Variants in C11orf87 observed in about 807,000 individuals in gnomAD.
C11orf87 encodes the protein uncharacterized protein C11orf87.
C11orf87 carries 3 observed loss-of-function variants against 9.2 expected under a neutral mutation model. The observed-to-expected ratio is 0.33, with a 90% CI of 0.15 to 0.84. C11orf87 has a LOEUF of 0.84. Among genes scored for constraint, C11orf87 ranks in the 40% least tolerant of loss-of-function variants. The pLI, the probability that C11orf87 is intolerant of heterozygous loss-of-function variation, is 0.55. For synonymous variants in C11orf87, 124 were observed against 124.6 expected, an observed-to-expected ratio of 1.00 and a Z score of 0.03; for missense variants, 256 against 270.7, an observed-to-expected ratio of 0.95 and a Z score of 0.38.
rs1860514514 is a variant in C11orf87 at position 109,423,005 on chromosome 11, T to C, written c.-259-370T>C. Among the ~76,000 whole-genome samples the C allele has an allele frequency of 6.6e-6, 1 of 151,814 alleles. No homozygotes were observed. Among genetic ancestry groups the C allele is most frequent in the Non-Finnish European group, 1.5e-5 (1 of 67,936 alleles). On this transcript the variant is annotated intron_variant, in intron 1 of 1. Coordinates refer to ENST00000327419, the MANE Select transcript of C11orf87 (RefSeq NM_207645.4). The surrounding 1 kb of genome is among the most constrained non-coding windows in gnomAD (Gnocchi z 5.3). ...GAAGGGTAGGATCCAGGCGAAGACA[T>C]CAACCGAGAGGGCGCAGAAAAGAGG...
chr11:109,428,372 T>C lies in C11orf87; in HGVS notation c.*4145T>C, dbSNP rs1365562264. On this transcript the variant is annotated 3_prime_UTR_variant, in exon 2 of 2. Transcript: ENST00000327419. The stretch of plus-strand genomic sequence containing the variant: ...AGAAACTTCTTTGACATCTGACTTT[T>C]CCACCATTTCTATCTGTATCAATTG... 6.6e-6 allele frequency: 1 copy of C among 152,312 alleles called. No individual in the cohort carries two copies. The highest frequency in any genetic ancestry group is 1.9e-4 in the East Asian group (1 of 5,192). The allele number at this position is 152,312 out of a possible 1,614,324, so 9.4% of individuals were successfully genotyped here. A position where few individuals can be genotyped will look rare whatever the true frequency, so the allele number is the denominator to read the frequency against.
Position 109,425,626 on chromosome 11 carries a change from GA to G in C11orf87, c.*1405del, listed in dbSNP as rs759728795. 6.1e-6 allele frequency: 1 copy of G among 162,780 alleles called. No individual in the cohort carries two copies. The highest frequency in any genetic ancestry group is 1.5e-5 in the Non-Finnish European group (1 of 68,046). 10.1% of individuals were successfully genotyped at this position (162,780 alleles called of 1,614,324 possible). ...TTTATTTTTTCTTTTGCAAATAATA[GA>G]AAAAACACAACCACAGAAACAAACA... On this transcript the variant is annotated 3_prime_UTR_variant, in exon 2 of 2. Coordinates refer to ENST00000327419, the MANE Select transcript of C11orf87 (RefSeq NM_207645.4).
In C11orf87 at chr11:109,423,442, C is replaced by A; in HGVS notation, c.-192C>A. ...CGAGGTGGTATCGGCGAGGATCTCT[C>A]GGGCGCCGCTCACTCCTTGGTCGCC... On this transcript the variant is annotated 5_prime_UTR_variant, in exon 2 of 2. Transcript: ENST00000327419. The surrounding 1 kb of genome is among the most constrained non-coding windows in gnomAD (Gnocchi z 5.3). 1 of 597,716 alleles carries A rather than the reference C, an allele frequency of 1.7e-6. No homozygotes were observed. The highest frequency in any genetic ancestry group is 2.9e-6 in the Non-Finnish European group (1 of 341,010). The allele number at this position is 597,716 out of a possible 1,614,324, so 37.0% of individuals were successfully genotyped here.
intron 1 of C11orf87, among the ~76,000 whole-genome samples, chr11:109,422,819 C>A (rs1860510816): frequency 7.0e-6 from 1 of 142,592 alleles, no homozygotes; most frequent in African/African-American, 2.7e-5. Context: ...CAGCCGCGGT[C>A]GCGGACAGAG....
In C11orf87 at chr11:109,425,626, G is replaced by GA. The variant is rs759728795; in HGVS notation, c.*1405dup. On this transcript the variant is annotated 3_prime_UTR_variant, in exon 2 of 2. Coordinates refer to ENST00000327419, the MANE Select transcript of C11orf87 (RefSeq NM_207645.4). ...TTTATTTTTTCTTTTGCAAATAATA[G>GA]AAAAAACACAACCACAGAAACAAAC... The GA allele has an allele frequency of 1.2e-5, 2 of 162,780 alleles. No homozygotes were observed. Among genetic ancestry groups the GA allele is most frequent in the Non-Finnish European group, 2.9e-5 (2 of 68,046 alleles). The allele number at this position is 162,780 out of a possible 1,614,324, so 10.1% of individuals were successfully genotyped here. A position where few individuals can be genotyped will look rare whatever the true frequency, so the allele number is the denominator to read the frequency against.
Position 109,425,956 on chromosome 11 carries a change from T to C in C11orf87, c.*1729T>C, listed in dbSNP as rs982194198. On this transcript the variant is annotated 3_prime_UTR_variant, in exon 2 of 2. Coordinates refer to ENST00000327419, the MANE Select transcript of C11orf87 (RefSeq NM_207645.4). ...CTCTCTTTCTCAGTCTGTCCTAACT[T>C]CACTGAACATACAAAAATACTGAGA... 9 of 152,206 alleles carry C rather than the reference T, an allele frequency of 5.9e-5. No individual in the cohort carries two copies. Among genetic ancestry groups the C allele is most frequent in the Non-Finnish European group, 1.3e-4 (9 of 68,030 alleles). 9.4% of individuals were successfully genotyped at this position (152,206 alleles called of 1,614,324 possible). A position where few individuals can be genotyped will look rare whatever the true frequency, so the allele number is the denominator to read the frequency against.
At position 109,423,713 on chromosome 11, in the gene C11orf87, C is replaced by A. The variant is rs1565250213; in HGVS notation, c.80C>A (p.Ala27Asp). Residue 27 changes from alanine (A) to aspartate (D), a missense_variant, in exon 2 of 2, where the codon GCC (alanine) becomes GAC (aspartate). Physicochemically the swap from Ala to Asp is moderately radical, Grantham distance 126. Transcript: ENST00000327419. This position sits in a 1 kb window ranked among gnomAD's most constrained non-coding sequence, Gnocchi z 5.3. ...LLNRTFASPN[A>D]SGSGNTGARG... is the part of the protein sequence containing the mutation. ...AACCGGACCTTTGCTTCCCCCAACG[C>A]CAGCGGCAGCGGCAACACGGGTGCC... 4 of 1,613,438 alleles carry A rather than the reference C, an allele frequency of 2.5e-6. No individual in the cohort carries two copies. The highest frequency in any genetic ancestry group is 3.4e-6 in the Non-Finnish European group (4 of 1,179,882).
At position 109,424,133 on chromosome 11, in the gene C11orf87, C is replaced by T. The variant is rs770631166; in HGVS notation, c.500C>T (p.Pro167Leu). The T allele has an allele frequency of 1.3e-5, 21 of 1,614,038 alleles. No homozygotes were observed. Among genetic ancestry groups the T allele is most frequent in the Non-Finnish European group, 1.7e-5 (20 of 1,180,042 alleles). Reference protein sequence around the residue: ...PCQGPCAPPPPPPASSPQGAH... With the variant: ...PCQGPCAPPPLPPASSPQGAH... ...CAGGGTCCCTGTGCTCCTCCGCCTC[C>T]ACCGCCAGCCTCCAGTCCCCAAGGA... The change falls in exon 2 of 2, where the codon CCA becomes CTA. Residue 167 changes from proline (P) to leucine (L), a missense_variant. Coordinates refer to ENST00000327419, the MANE Select transcript of C11orf87 (RefSeq NM_207645.4). This position sits in a 1 kb window ranked among gnomAD's most constrained non-coding sequence, Gnocchi z 4.7.
In C11orf87 at chr11:109,426,249, C is replaced by A. The variant is rs11213073; in HGVS notation, c.*2022C>A. 4.6e-5 allele frequency: 7 copies of A among 152,312 alleles called. No homozygotes were observed. In the East Asian group the frequency reaches 1.4e-3, roughly 29 times the overall value. The allele number at this position is 152,312 out of a possible 1,614,324, so 9.4% of individuals were successfully genotyped here. ...AAAAGCTCTACCAAGAGAGTCCTTACTATCCTGCAGGGTGTAAGGCAACAG... is the reference window on the plus strand; with the variant it reads ...AAAAGCTCTACCAAGAGAGTCCTTAATATCCTGCAGGGTGTAAGGCAACAG... On this transcript the variant is annotated 3_prime_UTR_variant, in exon 2 of 2. Coordinates refer to ENST00000327419, the MANE Select transcript of C11orf87 (RefSeq NM_207645.4).
chr11:109,424,177 T>G lies in C11orf87; in HGVS notation c.544T>G (p.Cys182Gly), dbSNP rs1484682515. Residue 182 changes from cysteine (C) to glycine (G), a missense_variant, in exon 2 of 2, where the codon TGT becomes GGT. By Grantham distance (159) the Cys-to-Gly change is radical. Coordinates refer to ENST00000327419, the MANE Select transcript of C11orf87 (RefSeq NM_207645.4). This position sits in a 1 kb window ranked among gnomAD's most constrained non-coding sequence, Gnocchi z 4.7. The part of the protein sequence containing the change: ...SPQGAHAASS[C>G]LDTAGEGLLQ... ...CCAAGGAGCACACGCAGCTTCCTCC[T>G]GTTTGGACACAGCTGGCGAGGGCCT... The G allele has an allele frequency of 8.1e-6, 13 of 1,614,216 alleles. No homozygotes were observed. The highest frequency in any genetic ancestry group is 1.1e-5 in the Non-Finnish European group (13 of 1,180,044).
At position 109,423,732 on chromosome 11, in the gene C11orf87, G is replaced by T; in HGVS notation, c.99G>T (p.Thr33=). The T allele has an allele frequency of 6.2e-7, 1 of 1,613,684 alleles. No individual in the cohort carries two copies. ...ASPNASGSGN[T]GARGPGAVGS... ...CCAACGCCAGCGGCAGCGGCAACAC[G>T]GGTGCCCGCGGCCCAGGCGCAGTAG... Residue 33 remains threonine (T), a synonymous_variant, in exon 2 of 2, where the codon ACG becomes ACT. Coordinates refer to ENST00000327419, the MANE Select transcript of C11orf87 (RefSeq NM_207645.4). The surrounding 1 kb of genome is among the most constrained non-coding windows in gnomAD (Gnocchi z 5.3).
rs1410998312 is a variant in C11orf87 at position 109,423,684 on chromosome 11, C to T, written c.51C>T (p.Leu17=). The change falls in exon 2 of 2, where the codon CTC becomes CTT. Residue 17 remains leucine, a synonymous_variant. Transcript: ENST00000327419. This position sits in a 1 kb window ranked among gnomAD's most constrained non-coding sequence, Gnocchi z 5.3. Reference sequence around the variant, plus strand: ...TGAGGCTGGCGTTGCCGCCGTGTCTCCTCAACCGGACCTTTGCTTCCCCCA... The same window carrying T: ...TGAGGCTGGCGTTGCCGCCGTGTCTTCTCAACCGGACCTTTGCTTCCCCCA... ...KELRLALPPC[L]LNRTFASPNA... 5.6e-6 allele frequency: 9 copies of T among 1,610,900 alleles called. No homozygotes were observed. Among genetic ancestry groups the T allele is most frequent in the Non-Finnish European group, 7.6e-6 (9 of 1,179,874 alleles).
In C11orf87 at chr11:109,427,239, T is replaced by C. The variant is rs960384291; in HGVS notation, c.*3012T>C. 3.9e-5 allele frequency: 6 copies of C among 152,204 alleles called. No individual in the cohort carries two copies. Among genetic ancestry groups the C allele is most frequent in the African/African-American group, 1.4e-4 (6 of 41,464 alleles). The allele number at this position is 152,204 out of a possible 1,614,324, so 9.4% of individuals were successfully genotyped here. A position where few individuals can be genotyped will look rare whatever the true frequency, so the allele number is the denominator to read the frequency against. The stretch of plus-strand genomic sequence containing the variant: ...CTTTAAATGTGTGTGCCTTTCTCCA[T>C]TAATTGACTGTAGTTTAATATTTTT... On this transcript the variant is annotated 3_prime_UTR_variant, in exon 2 of 2. Coordinates refer to ENST00000327419, the MANE Select transcript of C11orf87 (RefSeq NM_207645.4).
Position 109,423,756 on chromosome 11 carries a change from A to T in C11orf87, c.123A>T (p.Val41=), listed in dbSNP as rs556689494. The T allele has an allele frequency of 1.1e-5, 17 of 1,613,896 alleles. No individual in the cohort carries two copies. The highest frequency in any genetic ancestry group is 8.9e-5 in the East Asian group (4 of 44,856). The stretch of plus-strand genomic sequence containing the variant: ...CGGGTGCCCGCGGCCCAGGCGCAGT[A>T]GGCAGCGGCACCTGCATCACGCAGG... ...GNTGARGPGA[V]GSGTCITQVG... is the part of the protein sequence containing the mutation. The change falls in exon 2 of 2, where the codon GTA becomes GTT. Residue 41 remains valine (V), a synonymous_variant. Coordinates refer to ENST00000327419, the MANE Select transcript of C11orf87 (RefSeq NM_207645.4). The surrounding 1 kb of genome is among the most constrained non-coding windows in gnomAD (Gnocchi z 5.3).
rs953384580 is a variant in C11orf87, at chr11:109,423,116, G to A, written c.-259-259G>A. 2.0e-5 allele frequency among the ~76,000 whole-genome samples: 3 copies of A among 152,188 alleles called. No individual in the cohort carries two copies. Among genetic ancestry groups the A allele is most frequent in the Non-Finnish European group, 2.9e-5 (2 of 68,032 alleles). The stretch of plus-strand genomic sequence containing the variant: ...ATAAAGTTGTGAAGGGCGGAAGGGA[G>A]GCTGCCTTATCTGCTGAGTAATCTG... On this transcript the variant is annotated intron_variant, in intron 1 of 1. Transcript: ENST00000327419. This position sits in a 1 kb window ranked among gnomAD's most constrained non-coding sequence, Gnocchi z 5.3.
Position 109,423,354 on chromosome 11 carries a change from C to G in C11orf87, c.-259-21C>G. 1.9e-6 allele frequency: 1 copy of G among 524,616 alleles called. No individual in the cohort carries two copies. Among genetic ancestry groups the G allele is most frequent in the Non-Finnish European group, 3.4e-6 (1 of 298,498 alleles). 32.5% of individuals were successfully genotyped at this position (524,616 alleles called of 1,614,324 possible). Reference sequence around the variant, plus strand: ...CCCTGGGCAGCGGCCGAGATTCTAACTAAGCTTTGTGTCTTTGCAGCCTGG... The same window carrying G: ...CCCTGGGCAGCGGCCGAGATTCTAAGTAAGCTTTGTGTCTTTGCAGCCTGG... On this transcript the variant is annotated intron_variant, in intron 1 of 1. Transcript: ENST00000327419. The surrounding 1 kb of genome is among the most constrained non-coding windows in gnomAD (Gnocchi z 5.3).
chr11:109,428,003 T>C lies in C11orf87; in HGVS notation c.*3776T>C, dbSNP rs1219999105. ...GGGGTCAAATCTGAATGACTTTCTC[T>C]TTAATAATGAAAGGGGAGAGTCCTG... On this transcript the variant is annotated 3_prime_UTR_variant, in exon 2 of 2. Coordinates refer to ENST00000327419, the MANE Select transcript of C11orf87 (RefSeq NM_207645.4). The C allele has an allele frequency of 2.0e-5, 3 of 152,148 alleles. No homozygotes were observed. The highest frequency in any genetic ancestry group is 4.8e-5 in the African/African-American group (2 of 41,456). 9.4% of individuals were successfully genotyped at this position (152,148 alleles called of 1,614,324 possible).
Position 109,424,530 on chromosome 11 carries a change from C to T in C11orf87, c.*303C>T, listed in dbSNP as rs546518772. On this transcript the variant is annotated 3_prime_UTR_variant, in exon 2 of 2. Transcript: ENST00000327419. This position sits in a 1 kb window ranked among gnomAD's most constrained non-coding sequence, Gnocchi z 4.7. ...GCATGACAAATCACATAATTTCTAA[C>T]TGTCAATGGAGGATGCATCTTCCCA... The T allele has an allele frequency of 3.1e-4, 56 of 179,718 alleles. No individual in the cohort carries two copies. Among genetic ancestry groups the T allele is most frequent in the African/African-American group, 1.3e-3 (53 of 41,974 alleles). The allele number at this position is 179,718 out of a possible 1,614,324, so 11.1% of individuals were successfully genotyped here. A position where few individuals can be genotyped will look rare whatever the true frequency, so the allele number is the denominator to read the frequency against.
rs745458484 is a variant in C11orf87 at position 109,424,193 on chromosome 11, G to A, written c.560G>A (p.Gly187Asp). 8 of 1,614,176 alleles carry A rather than the reference G, an allele frequency of 5.0e-6. No individual in the cohort carries two copies. The highest frequency in any genetic ancestry group is 6.8e-6 in the Non-Finnish European group (8 of 1,180,032). Residue 187 changes from glycine to aspartate, a missense_variant, in exon 2 of 2, where the codon GGC becomes GAC. Physicochemically the swap from Gly to Asp is moderately conservative, Grantham distance 94. Transcript: ENST00000327419. The surrounding 1 kb of genome is among the most constrained non-coding windows in gnomAD (Gnocchi z 4.7). ...GCTTCCTCCTGTTTGGACACAGCTG[G>A]CGAGGGCCTTTTGCAAACGGTGGTA... is the stretch of plus-strand genomic sequence containing the variant. ...HAASSCLDTAGEGLLQTVVLS is the reference protein window; with the variant it reads ...HAASSCLDTADEGLLQTVVLS
Sources: allele counts gnomAD v4.1 joint callset (sites outside exome capture counted in the v4.1 genomes callset), GRCh38; gene constraint gnomAD v4.1.1; non-coding constraint Gnocchi (gnomAD v3.1); transcripts MANE v1.5; gene names NCBI Gene and HGNC (gene_info 2026-07-23, HGNC 2026-07-21).